Variants in PTPRN2 observed in about 807,000 individuals in gnomAD.
PTPRN2 encodes receptor-type tyrosine-protein phosphatase N2.
A neutral mutation model predicts 118.8 loss-of-function variants in PTPRN2; 74 were observed. The ratio of observed to expected loss-of-function variants is 0.62; its 90% CI spans 0.52 to 0.76. The LOEUF (loss-of-function observed/expected upper bound fraction) is 0.76, where lower values mean the gene tolerates loss of function less well. Ranked by LOEUF, PTPRN2 falls within the 30% of genes least tolerant of loss-of-function variation. The probability of loss-of-function intolerance (pLI) is 0.00; values close to 1 mark genes in which losing one functional copy is unlikely to be tolerated. For missense variants in PTPRN2, 1,481 were observed against 1,394.4 expected, an observed-to-expected ratio of 1.06 and a Z score of -0.99; for synonymous variants, 641 against 608.0, an observed-to-expected ratio of 1.05 and a Z score of -0.80.
At chr7:157,567,861 C>T (rs1402340479) in intron 21 of PTPRN2, among the ~76,000 whole-genome samples, 7 of 152,240 alleles carry the variant, frequency 4.6e-5, no homozygotes, top group East Asian at 1.9e-4. Context: ...GTGTCGGAGG[C>T]GCCAACTGAA....
chr7:158,361,410 A>C (rs1471891477), intron 2 of PTPRN2, among the ~76,000 whole-genome samples: 1 of 152,176 alleles, frequency 6.6e-6, no homozygotes, highest in Non-Finnish European at 1.5e-5. Flanking sequence ...GACAACCCAC[A>C]GACTCTTCAT....
chr7:158,071,349 G>GTGGTGGTGGAGGTGCTCA (rs1227883138), intron 11 of PTPRN2, among the ~76,000 whole-genome samples: 5 of 93,424 alleles, frequency 5.4e-5, no homozygotes, highest in South Asian at 7.8e-4. Context: ...GGAGGTGCTC[G>GTGGTGGTGGAGGTGCTCA]TGGTGGTGGA....
At position 158,022,901 on chromosome 7, in the gene PTPRN2, C is replaced by T. The variant is rs991084617; in HGVS notation, c.1723+58397G>A. Among the ~76,000 whole-genome samples the T allele has an allele frequency of 3.3e-5, 5 of 152,252 alleles. No individual in the cohort carries two copies. Among genetic ancestry groups the T allele is most frequent in the Admixed American group, 1.3e-4 (2 of 15,290 alleles). ...TGATCAAGAGTAGCGTTTCCCTCCA[C>T]GGTTGCCCAATTTCACCTTGTTCTG... On this transcript the variant is annotated intron_variant, in intron 11 of 22. Transcript: ENST00000389418. The surrounding 1 kb of genome is among the most constrained non-coding windows in gnomAD (Gnocchi z 4.6).
In PTPRN2 at chr7:157,545,547, C is replaced by T. The variant is rs567970163; in HGVS notation, c.2976+3399G>A. On this transcript the variant is annotated intron_variant, in intron 22 of 22. Transcript: ENST00000389418. ...GTGGCTGAGTGTGCCGCCTCTCTGG[C>T]GGCTCGTGTGGTGTCAAAGCCCGCA... 3.3e-5 allele frequency among the ~76,000 whole-genome samples: 5 copies of T among 152,122 alleles called. No homozygotes were observed. In the East Asian group the frequency reaches 5.8e-4, roughly 18 times the overall value.
chr7:157,717,685 C>T (rs924254244), intron 12 of PTPRN2, among the ~76,000 whole-genome samples: 4 of 152,276 alleles, frequency 2.6e-5, no homozygotes, highest in Non-Finnish European at 5.9e-5. Flanking sequence ...CAGGTATGGG[C>T]ACCGGCTGCT....
chr7:158,275,691 G>T (rs538173440), intron 3 of PTPRN2, among the ~76,000 whole-genome samples: 3 of 152,292 alleles, frequency 2.0e-5, no homozygotes, highest in Admixed American at 1.3e-4. Context: ...GAGGTACTAC[G>T]TTATGTGGGG....
intron 13 of PTPRN2, among the ~76,000 whole-genome samples, chr7:157,667,565 G>C (rs1796205177): frequency 6.6e-6 from 1 of 152,232 alleles, no homozygotes; most frequent in Non-Finnish European, 1.5e-5. Flanking sequence ...TGTCCGCACT[G>C]GATGACCCTC....
At chr7:158,223,230 G>A (rs1828493798) in intron 3 of PTPRN2, among the ~76,000 whole-genome samples, 1 of 152,078 alleles carries the variant, frequency 6.6e-6, no homozygotes, top group East Asian at 1.9e-4. Context: ...TTTCACCAAA[G>A]AATTATACCA....
intron 12 of PTPRN2, among the ~76,000 whole-genome samples, chr7:157,699,832 C>A (rs1470197636): frequency 6.6e-6 from 1 of 152,188 alleles, no homozygotes; most frequent in African/African-American, 2.4e-5. Flanking sequence ...CCCTCAGCTG[C>A]CAAGTGGCCA....
chr7:157,734,230 A>G lies in PTPRN2; in HGVS notation c.1789-51293T>C, dbSNP rs372070447. On this transcript the variant is annotated intron_variant, in intron 12 of 22. Coordinates refer to ENST00000389418, the MANE Select transcript of PTPRN2 (RefSeq NM_002847.5). ...ATGCGCCCAGCACAGTTACTCTTCC[A>G]CCCCATGCTCCCAGCACACTCTTCC... Among the ~76,000 whole-genome samples the G allele has an allele frequency of 2.3e-3, 282 of 123,116 alleles. 15 individuals carry two copies. Among genetic ancestry groups the G allele is most frequent in the African/African-American group, 6.0e-3 (158 of 26,252 alleles). The allele number at this position is 123,116 out of a possible 152,430, so 80.8% of individuals were successfully genotyped here. A position where few individuals can be genotyped will look rare whatever the true frequency, so the allele number is the denominator to read the frequency against.
intron 1 of PTPRN2, among the ~76,000 whole-genome samples, chr7:158,567,253 G>T (rs1230343741): frequency 3.9e-5 from 6 of 152,146 alleles, no homozygotes; most frequent in African/African-American, 1.4e-4. Flanking sequence ...CGGGCCACCT[G>T]CCTGGCACAC....
intron 12 of PTPRN2, among the ~76,000 whole-genome samples, chr7:157,752,074 G>T (rs1801504176): frequency 6.6e-6 from 1 of 152,118 alleles, no homozygotes; most frequent in Admixed American, 6.5e-5. Flanking sequence ...TCCCAAGCAG[G>T]ATCCACGAGC....
intron 4 of PTPRN2, among the ~76,000 whole-genome samples, chr7:158,199,359 C>T (rs923420543): frequency 1.3e-5 from 2 of 152,198 alleles, no homozygotes; most frequent in East Asian, 1.9e-4. Context: ...TTCCACACTG[C>T]GTCTCTTTCT....
intron 1 of PTPRN2, among the ~76,000 whole-genome samples, chr7:158,502,955 ACTACTGTGTCCATCAG>A (rs1822477509): frequency 2.4e-5 from 3 of 127,584 alleles, no homozygotes; most frequent in Non-Finnish European, 3.3e-5. Context: ...GTGTCCATCA[ACTACTGTGTCCATCAG>A]CCACTGTGTC....
In PTPRN2 at chr7:157,780,725, C is replaced by T. The variant is rs1285997610; in HGVS notation, c.1789-97788G>A. On this transcript the variant is annotated intron_variant, in intron 12 of 22. Coordinates refer to ENST00000389418, the MANE Select transcript of PTPRN2 (RefSeq NM_002847.5). This position sits in a 1 kb window ranked among gnomAD's most constrained non-coding sequence, Gnocchi z 4.5. The stretch of plus-strand genomic sequence containing the variant: ...TGTTGGAATGCATGATGGGGCCACA[C>T]CCAGCACGGAGAGAGCACTTGACAC... Among the ~76,000 whole-genome samples, 1 of 152,166 alleles carries T rather than the reference C, an allele frequency of 6.6e-6. No individual in the cohort carries two copies. The highest frequency in any genetic ancestry group is 1.5e-5 in the Non-Finnish European group (1 of 68,042).
At chr7:157,822,561 T>C (rs1021613048) in intron 12 of PTPRN2, among the ~76,000 whole-genome samples, 9 of 151,826 alleles carry the variant, frequency 5.9e-5, no homozygotes, top group African/African-American at 2.2e-4. Flanking sequence ...TCATCCGCTA[T>C]CCATTATCTT....
intron 11 of PTPRN2, among the ~76,000 whole-genome samples, chr7:158,068,410 T>C (rs988175709): frequency 6.6e-6 from 1 of 152,284 alleles, no homozygotes. Context: ...GGACTGCAGC[T>C]GGGGCAGGAG....
At chr7:158,041,022 C>T (rs905062182) in intron 11 of PTPRN2, among the ~76,000 whole-genome samples, 4 of 152,190 alleles carry the variant, frequency 2.6e-5, no homozygotes, top group Admixed American at 6.5e-5. Flanking sequence ...TGAGCCGCCA[C>T]GCCCGGTCCA....
intron 3 of PTPRN2, among the ~76,000 whole-genome samples, chr7:158,209,858 C>G (rs1000203854): frequency 2.6e-5 from 4 of 152,098 alleles, no homozygotes; most frequent in African/African-American, 9.7e-5. Flanking sequence ...TCTTCTCTGA[C>G]CACAATGGAA....
Sources: gnomAD v4.1 joint callset for allele counts (sites outside exome capture counted in the v4.1 genomes callset) on GRCh38, gnomAD v4.1.1 for gene constraint, Gnocchi (gnomAD v3.1) non-coding constraint, MANE v1.5 for transcripts, NCBI Gene and HGNC (gene_info 2026-07-23, HGNC 2026-07-21) for gene names.